The following SYCE3 variants were observed in gnomAD, a reference collection of about 807,000 sequenced individuals.
SYCE3 encodes synaptonemal complex central element protein 3.
A neutral mutation model predicts 8.1 loss-of-function variants in SYCE3; 3 were observed. The ratio of observed to expected loss-of-function variants is 0.37; its 90% CI spans 0.17 to 0.96. The LOEUF is 0.96. SYCE3 is among the 40% of genes least tolerant of loss of function. SYCE3 has a pLI of 0.41. For missense variants in SYCE3, 83 were observed against 110.0 expected (o/e 0.75, Z 1.10); for synonymous variants, 36 against 38.7 (o/e 0.93, Z 0.26).
intron 2 of SYCE3, among the ~76,000 whole-genome samples, chr22:50,552,804 G>C (rs1408077440): frequency 6.6e-6 from 1 of 152,148 alleles, no homozygotes; most frequent in Admixed American, 6.6e-5. Flanking sequence ...TAGGTCCTAA[G>C]GGTAGACCCT....
chr22:50,555,121 T>TAAAATAAATAAATAAATAAAAATTTA (rs201642058), intron 2 of SYCE3, among the ~76,000 whole-genome samples: 2,720 of 16,224 alleles, frequency 0.17, 129 homozygotes, highest in African/African-American at 0.45. Flanking sequence ...GACTCTGTCT[T>TAAAATAAATAAATAAATAAAAATTTA]AAAATAAATA....
chr22:50,554,693 CAAAAA>C (rs35905749), intron 2 of SYCE3, among the ~76,000 whole-genome samples: 6 of 78,522 alleles, frequency 7.6e-5, no homozygotes, highest in African/African-American at 2.9e-4. Context: ...GACTCCGTCT[CAAAAA>C]AAAAAAAAAA....
At chr22:50,554,948 C>T (rs2069844785) in intron 2 of SYCE3, among the ~76,000 whole-genome samples, 1 of 151,260 alleles carries the variant, frequency 6.6e-6, no homozygotes, top group South Asian at 2.1e-4. Flanking sequence ...CAGTGAAACC[C>T]CGTCTCTACT....
At chr22:50,558,961 C>A (rs747879639) in intron 1 of SYCE3, among the ~76,000 whole-genome samples, 2 of 152,188 alleles carry the variant, frequency 1.3e-5, no homozygotes, top group Non-Finnish European at 2.9e-5. Context: ...GACATTTGGC[C>A]ATTTTCTCCT....
At chr22:50,556,633 T>C (rs2069862581) in intron 1 of SYCE3, among the ~76,000 whole-genome samples, 1 of 152,238 alleles carries the variant, frequency 6.6e-6, no homozygotes, top group Non-Finnish European at 1.5e-5. Context: ...CTTCCATCTT[T>C]GCCATACAAA....
At chr22:50,560,110 A>AGTACCTG in intron 1 of SYCE3, among the ~76,000 whole-genome samples, 1 of 152,280 alleles carries the variant, frequency 6.6e-6, no homozygotes, top group South Asian at 2.1e-4. Context: ...AGAGAAGCAG[A>AGTACCTG]GAAACATGCC....
chr22:50,551,223 A>T lies in SYCE3; in HGVS notation c.*22T>A. ...TCATACGGGCAGAGGGTGGCATGGCAGCTGTGGTGGGCCAGTGGGGCCTAC... is the reference window on the plus strand; with the variant it reads ...TCATACGGGCAGAGGGTGGCATGGCTGCTGTGGTGGGCCAGTGGGGCCTAC... On this transcript the variant is annotated 3_prime_UTR_variant, in exon 3 of 3. Coordinates refer to ENST00000406915, the MANE Select transcript of SYCE3 (RefSeq NM_001123225.3). The T allele has an allele frequency of 1.9e-6, 3 of 1,549,750 alleles. No homozygotes were observed. The South Asian group carries it at 3.6e-5, about 18-fold the overall frequency.
chr22:50,551,222 C>T lies in SYCE3; in HGVS notation c.*23G>A. On this transcript the variant is annotated 3_prime_UTR_variant, in exon 3 of 3. Transcript: ENST00000406915. ...TTCATACGGGCAGAGGGTGGCATGGCAGCTGTGGTGGGCCAGTGGGGCCTA... is the reference window on the plus strand; with the variant it reads ...TTCATACGGGCAGAGGGTGGCATGGTAGCTGTGGTGGGCCAGTGGGGCCTA... 6.5e-7 allele frequency: 1 copy of T among 1,549,286 alleles called. No individual in the cohort carries two copies.
chr22:50,561,081 A>C (rs1338985342), intron 1 of SYCE3, among the ~76,000 whole-genome samples: 1 of 152,120 alleles, frequency 6.6e-6, no homozygotes, highest in Non-Finnish European at 1.5e-5. Context: ...CAGTGGATGG[A>C]GTGTAGAAGG....
chr22:50,551,309 T>C lies in SYCE3; in HGVS notation c.203A>G (p.Asn68Ser), dbSNP rs764772144. 2.8e-5 allele frequency: 44 copies of C among 1,551,186 alleles called. No homozygotes were observed. The African/African-American group carries it at 4.9e-4, about 17-fold the overall frequency. Residue 68 changes from asparagine (N) to serine (S), a missense_variant, in exon 3 of 3, where the codon AAC becomes AGC. Transcript: ENST00000406915. ...SMRRLEDAFVNCKEEMEKNWQ... is the reference protein window; with the variant it reads ...SMRRLEDAFVSCKEEMEKNWQ... ...GTTCTTCTCCATCTCCTCCTTGCAG[T>C]TGACGAAGGCATCCTCCAGCCGACG...
At chr22:50,552,333 CTG>C (rs1283384403) in intron 2 of SYCE3, among the ~76,000 whole-genome samples, 2 of 152,178 alleles carry the variant, frequency 1.3e-5, no homozygotes, top group African/African-American at 4.8e-5. Context: ...CCTGACGACT[CTG>C]TGACCTGGAA....
chr22:50,559,334 C>G (rs2069891918), intron 1 of SYCE3, among the ~76,000 whole-genome samples: 1 of 152,042 alleles, frequency 6.6e-6, no homozygotes, highest in African/African-American at 2.4e-5. Context: ...GCCATATTGG[C>G]CAGGCTGGTC....
Position 50,551,134 on chromosome 22 carries a change from A to G in SYCE3, c.*111T>C, listed in dbSNP as rs777351366. Reference sequence around the variant, plus strand: ...GGCTGTGCTTAAAAATAAGTTTATTAAGAAACAAGTACAGTGCATACAGCT... The same window carrying G: ...GGCTGTGCTTAAAAATAAGTTTATTGAGAAACAAGTACAGTGCATACAGCT... On this transcript the variant is annotated 3_prime_UTR_variant, in exon 3 of 3. Transcript: ENST00000406915. 19 of 1,357,210 alleles carry G rather than the reference A, an allele frequency of 1.4e-5. No homozygotes were observed. The highest frequency in any genetic ancestry group is 1.8e-5 in the Non-Finnish European group (18 of 1,005,266). The allele number at this position is 1,357,210 out of a possible 1,614,324, so 84.1% of individuals were successfully genotyped here. A position where few individuals can be genotyped will look rare whatever the true frequency, so the allele number is the denominator to read the frequency against.
At chr22:50,561,607 A>G (rs1225272682) in intron 1 of SYCE3, among the ~76,000 whole-genome samples, 1 of 146,220 alleles carries the variant, frequency 6.8e-6, no homozygotes. Flanking sequence ...GGTGTGAAGG[A>G]CGGGGGTTGA....
chr22:50,559,702 G>T (rs182320701), intron 1 of SYCE3, among the ~76,000 whole-genome samples: 1 of 152,076 alleles, frequency 6.6e-6, no homozygotes, highest in African/African-American at 2.4e-5. Context: ...AGGCAGAGGC[G>T]GGGGATCACA....
rs1235482085 is a variant in SYCE3 at position 50,551,912 on chromosome 22, G to C, written c.110-510C>G. ...ATGCTTTCGTTGAGGCCCAGGCCTG[G>C]GGCTTCTCCTCTTGGGAAGGTGTCC... On this transcript the variant is annotated intron_variant, in intron 2 of 2. Coordinates refer to ENST00000406915, the MANE Select transcript of SYCE3 (RefSeq NM_001123225.3). 2.6e-5 allele frequency among the ~76,000 whole-genome samples: 4 copies of C among 152,170 alleles called. No individual in the cohort carries two copies. In the East Asian group the frequency reaches 7.7e-4, roughly 29 times the overall value.
rs952451307 is a variant in SYCE3, at chr22:50,551,204, G to A, written c.*41C>T. 1.3e-5 allele frequency: 20 copies of A among 1,545,310 alleles called. No individual in the cohort carries two copies. Among genetic ancestry groups the A allele is most frequent in the Middle Eastern group, 1.7e-4 (1 of 5,994 alleles). ...CCATCCCCCAGTGACCTCTTCATAC[G>A]GGCAGAGGGTGGCATGGCAGCTGTG... On this transcript the variant is annotated 3_prime_UTR_variant, in exon 3 of 3. Coordinates refer to ENST00000406915, the MANE Select transcript of SYCE3 (RefSeq NM_001123225.3).
intron 1 of SYCE3, among the ~76,000 whole-genome samples, chr22:50,558,153 G>A (rs1356809080): frequency 6.6e-6 from 1 of 152,220 alleles, no homozygotes; most frequent in Non-Finnish European, 1.5e-5. Context: ...GCCAAGCGCG[G>A]AGGCTCATGC....
At chr22:50,551,426 T>C in intron 2 of SYCE3, 24 bp from the exon 3 acceptor site, 1 of 1,540,482 alleles carries the variant, frequency 6.5e-7, no homozygotes, top group Non-Finnish European at 8.8e-7. Flanking sequence ...ACAGGACTGG[T>C]CAGGCCACAG....
Sources: gnomAD v4.1 joint callset for allele counts (sites outside exome capture counted in the v4.1 genomes callset) on GRCh38, gnomAD v4.1.1 for gene constraint, MANE v1.5 for transcripts, NCBI Gene and HGNC (gene_info 2026-07-23, HGNC 2026-07-21) for gene names.